The following CA5A variants were observed in gnomAD, a reference collection of about 807,000 sequenced individuals.
CA5A encodes the protein carbonic anhydrase 5A, mitochondrial.
A neutral mutation model predicts 37.1 loss-of-function variants in CA5A; 28 were observed. The ratio of observed to expected loss-of-function variants is 0.75; its 90% CI spans 0.56 to 1.03. The LOEUF (loss-of-function observed/expected upper bound fraction) is 1.03. Ranked by LOEUF, CA5A falls within the 50% of genes least tolerant of loss-of-function variation. The probability of loss-of-function intolerance (pLI) is 0.00; values close to 1 mark genes in which losing one functional copy is unlikely to be tolerated. For missense variants in CA5A, 444 were observed against 399.9 expected (o/e 1.11, Z -0.94); for synonymous variants, 171 against 158.4 (o/e 1.08, Z -0.60).
chr16:87,899,166 T>G (rs904051398), intron 5 of CA5A, among the ~76,000 whole-genome samples: 1 of 152,136 alleles, frequency 6.6e-6, no homozygotes, highest in Non-Finnish European at 1.5e-5. Flanking sequence ...CACTGTGCTA[T>G]GGGAGAAGCT....
chr16:87,894,340 A>C (rs938678009), intron 5 of CA5A, among the ~76,000 whole-genome samples: 1 of 151,944 alleles, frequency 6.6e-6, no homozygotes, highest in Non-Finnish European at 1.5e-5. Flanking sequence ...TGCAAGGAAG[A>C]TGGCCTCCCT....
intron 3 of CA5A, among the ~76,000 whole-genome samples, chr16:87,904,364 AAAAC>A (rs143810181): frequency 0.035 from 5,273 of 152,002 alleles, 99 homozygotes; most frequent in African/African-American, 0.042. Context: ...CAAAAACCAA[AAAAC>A]AAACAAACAA....
intron 5 of CA5A, among the ~76,000 whole-genome samples, chr16:87,892,567 TAA>T (rs2055735281): frequency 6.8e-6 from 1 of 146,218 alleles, no homozygotes; most frequent in Non-Finnish European, 1.5e-5. Context: ...AATTAATTAA[TAA>T]TAAAAATAAA....
chr16:87,927,971 T>G (rs7500576), intron 1 of CA5A, among the ~76,000 whole-genome samples: 100,529 of 151,914 alleles, frequency 0.66, 34,021 homozygotes, highest in African/African-American at 0.73. Flanking sequence ...AACCTCATGC[T>G]AAGAGAAAGC....
chr16:87,903,631 C>T (rs1468440125), intron 3 of CA5A, among the ~76,000 whole-genome samples: 3 of 152,012 alleles, frequency 2.0e-5, no homozygotes, highest in Non-Finnish European at 2.9e-5. Context: ...ATAAAATGTC[C>T]GGAGGTCACC....
At chr16:87,910,776 G>C (rs911716248) in intron 2 of CA5A, among the ~76,000 whole-genome samples, 9 of 151,910 alleles carry the variant, frequency 5.9e-5, no homozygotes, top group African/African-American at 2.2e-4. Flanking sequence ...CTTTGAGATG[G>C]AGCCTTGCTG....
At chr16:87,914,430 G>A (rs567109293) in intron 2 of CA5A, among the ~76,000 whole-genome samples, 46 of 152,330 alleles carry the variant, frequency 3.0e-4, no homozygotes, top group African/African-American at 1.0e-3. Flanking sequence ...GCCACGCGGC[G>A]GGTGCAGATG....
At chr16:87,913,700 C>T (rs1265480639) in intron 2 of CA5A, among the ~76,000 whole-genome samples, 1 of 151,730 alleles carries the variant, frequency 6.6e-6, no homozygotes. Flanking sequence ...AGCTTCCCTC[C>T]CTCCTCCTCC....
At position 87,921,869 on chromosome 16, in the gene CA5A, A is replaced by T. The variant is rs550182656; in HGVS notation, c.340+4879T>A. On this transcript the variant is annotated intron_variant, in intron 2 of 6. Transcript: ENST00000649794. ...TCCTTTGTGTGTTATTGTTATTATT[A>T]TTATTATTATTTTTGAGAGACAGGA... Among the ~76,000 whole-genome samples, 314 of 75,598 alleles carry T rather than the reference A, an allele frequency of 4.2e-3. 2 individuals carry two copies. Among genetic ancestry groups the T allele is most frequent in the African/African-American group, 0.017 (296 of 17,702 alleles). The allele number at this position is 75,598 out of a possible 152,430, so 49.6% of individuals were successfully genotyped here. A position where few individuals can be genotyped will look rare whatever the true frequency, so the allele number is the denominator to read the frequency against.
intron 2 of CA5A, among the ~76,000 whole-genome samples, chr16:87,922,875 G>A (rs1478584541): frequency 6.6e-6 from 1 of 152,248 alleles, no homozygotes; most frequent in Non-Finnish European, 1.5e-5. Context: ...GTCCCATTGG[G>A]AGGCCTCTGT....
intron 2 of CA5A, among the ~76,000 whole-genome samples, chr16:87,910,873 C>T (rs141963109): frequency 2.0e-5 from 3 of 152,154 alleles, no homozygotes; most frequent in African/African-American, 7.2e-5. Flanking sequence ...CCTGTGCTTC[C>T]CGAGTAGCTG....
Position 87,888,092 on chromosome 16 carries a change from C to G in CA5A, c.*37G>C, listed in dbSNP as rs766914195. The stretch of plus-strand genomic sequence containing the variant: ...CTTGGGAAACAACGCTTCCTTCCTT[C>G]AAAGTCAGTTCTGCTATTCATGTGG... On this transcript the variant is annotated 3_prime_UTR_variant, in exon 7 of 7. Coordinates refer to ENST00000649794, the MANE Select transcript of CA5A (RefSeq NM_001739.2). 6 of 1,545,664 alleles carry G rather than the reference C, an allele frequency of 3.9e-6. No individual in the cohort carries two copies. The African/African-American group carries it at 6.9e-5, about 18-fold the overall frequency.
intron 5 of CA5A, among the ~76,000 whole-genome samples, chr16:87,895,691 A>G (rs1345131651): frequency 6.6e-6 from 1 of 152,164 alleles, no homozygotes; most frequent in Non-Finnish European, 1.5e-5. Flanking sequence ...GGTACTTTTT[A>G]GCTATGGTCC....
intron 1 of CA5A, among the ~76,000 whole-genome samples, chr16:87,928,760 GTTTTTTTTTTTTTT>G (rs60994571): frequency 1.7e-5 from 1 of 57,924 alleles, no homozygotes; most frequent in Non-Finnish European, 3.0e-5. Flanking sequence ...TCTTTTCTTT[GTTTTTTTTTTTTTT>G]TTTTTTTTTT....
chr16:87,901,155 G>A (rs1232220707), intron 5 of CA5A, among the ~76,000 whole-genome samples: 4 of 152,164 alleles, frequency 2.6e-5, no homozygotes, highest in East Asian at 1.9e-4. Context: ...GCTTGAACCC[G>A]GGAGGCGGAG....
At chr16:87,934,277 CAG>C (rs571234810) in intron 1 of CA5A, among the ~76,000 whole-genome samples, 136 of 152,380 alleles carry the variant, frequency 8.9e-4, no homozygotes, top group African/African-American at 2.8e-3. Context: ...AAGAAAGTCA[CAG>C]AGGGGACAGC....
intron 1 of CA5A, 41 bp downstream of exon 1, chr16:87,936,268 A>C: frequency 7.0e-7 from 1 of 1,432,370 alleles, no homozygotes; most frequent in Non-Finnish European, 9.8e-7. Context: ...AGCTAAGACA[A>C]GGATCCAGTC....
chr16:87,927,563 A>T (rs2056329651), intron 1 of CA5A, among the ~76,000 whole-genome samples: 1 of 152,186 alleles, frequency 6.6e-6, no homozygotes, highest in African/African-American at 2.4e-5. Context: ...AGAGCCATTA[A>T]TCGAAAACAG....
chr16:87,922,925 A>G (rs2056250608), intron 2 of CA5A, among the ~76,000 whole-genome samples: 1 of 152,166 alleles, frequency 6.6e-6, no homozygotes, highest in Non-Finnish European at 1.5e-5. Flanking sequence ...TCTTTTTCAC[A>G]TCTGTAAAAT....
Sources: allele counts gnomAD v4.1 joint callset (sites outside exome capture counted in the v4.1 genomes callset), GRCh38; gene constraint gnomAD v4.1.1; transcripts MANE v1.5; gene names NCBI Gene and HGNC (gene_info 2026-07-23, HGNC 2026-07-21).